KIF27: variants seen among roughly 807,000 people sequenced by gnomAD.
KIF27 encodes kinesin family member 27.
Under a neutral mutation model 141.8 loss-of-function variants are expected in KIF27, and 84 were observed. That is an observed-to-expected ratio of 0.59 (90% CI 0.50 to 0.71). The LOEUF (loss-of-function observed/expected upper bound fraction) is 0.71, where lower values mean the gene tolerates loss of function less well. Ranked by LOEUF, KIF27 falls within the 30% of genes least tolerant of loss-of-function variation. The pLI is 0.00. For missense variants in KIF27, 1,306 were observed against 1,628.4 expected (o/e 0.80, Z 3.41); for synonymous variants, 471 against 569.5 (o/e 0.83, Z 2.46).
At chr9:83,857,597 T>A (rs1949386357) in intron 14 of KIF27, among the ~76,000 whole-genome samples, 1 of 152,238 alleles carries the variant, frequency 6.6e-6, no homozygotes, top group African/African-American at 2.4e-5. Context: ...GGATCCCACA[T>A]GAAATAGAAA....
In KIF27 at chr9:83,859,580, A is replaced by G. The variant is rs191749263; in HGVS notation, c.2935-209T>C. On this transcript the variant is annotated intron_variant, in intron 13 of 17. Coordinates refer to ENST00000297814, the MANE Select transcript of KIF27 (RefSeq NM_017576.4). ...GAGTTTTGCTCTTGTTCCCCAGGCT[A>G]GAGTGCAATGGTGCAACCTCAGCTC... The G allele has an allele frequency of 5.7e-4, 297 of 522,310 alleles. 2 individuals are homozygous for G. The highest frequency in any genetic ancestry group is 1.1e-3 in the South Asian group (51 of 44,482). The allele number at this position is 522,310 out of a possible 1,614,324, so 32.4% of individuals were successfully genotyped here. A position where few individuals can be genotyped will look rare whatever the true frequency, so the allele number is the denominator to read the frequency against.
chr9:83,906,344 A>G (rs1288604676), intron 3 of KIF27, among the ~76,000 whole-genome samples: 2 of 152,190 alleles, frequency 1.3e-5, no homozygotes, highest in Non-Finnish European at 2.9e-5. Flanking sequence ...TTGAATGACT[A>G]AAGCCATCTT....
chr9:83,841,717 T>G (rs1470840620), intron 17 of KIF27, among the ~76,000 whole-genome samples: 4 of 152,206 alleles, frequency 2.6e-5, no homozygotes, highest in Non-Finnish European at 5.9e-5. Flanking sequence ...AAGTATATTT[T>G]GTCATGTTAT....
chr9:83,875,367 T>C (rs886107846), intron 11 of KIF27, among the ~76,000 whole-genome samples: 2 of 152,190 alleles, frequency 1.3e-5, no homozygotes, highest in African/African-American at 4.8e-5. Context: ...GAACTACATT[T>C]TTCCCCCATG....
chr9:83,905,211 C>T (rs1380749126), intron 3 of KIF27, among the ~76,000 whole-genome samples: 3 of 151,966 alleles, frequency 2.0e-5, no homozygotes, highest in Non-Finnish European at 4.4e-5. Flanking sequence ...CTCCGCCTCC[C>T]GGGTTCACAC....
intron 15 of KIF27, among the ~76,000 whole-genome samples, chr9:83,852,256 C>G: frequency 6.6e-6 from 1 of 151,348 alleles, no homozygotes. Flanking sequence ...CCATCCCTGT[C>G]TAACATGGTA....
chr9:83,840,316 T>C (rs931610095), intron 17 of KIF27, among the ~76,000 whole-genome samples: 1 of 152,112 alleles, frequency 6.6e-6, no homozygotes, highest in Non-Finnish European at 1.5e-5. Flanking sequence ...TAAATGTTTC[T>C]AGGTAGAATA....
rs952704005 is a variant in KIF27 at position 83,881,888 on chromosome 9, A to G, written c.2446-1394T>C. Among the ~76,000 whole-genome samples, 3 of 152,198 alleles carry G rather than the reference A, an allele frequency of 2.0e-5. 1 individual carries two copies. The highest frequency in any genetic ancestry group is 4.4e-5 in the Non-Finnish European group (3 of 68,036). ...TGCCATTGTCTTTTGCACTTATTTC[A>G]TAGTTGCTCAAAAGTGCATCTGTCA... On this transcript the variant is annotated intron_variant, in intron 10 of 17. Coordinates refer to ENST00000297814, the MANE Select transcript of KIF27 (RefSeq NM_017576.4).
rs1946649444 is a variant in KIF27 at position 83,842,163 on chromosome 9, A to C, written c.3721+74T>G. On this transcript the variant is annotated intron_variant, in intron 17 of 17. Coordinates refer to ENST00000297814, the MANE Select transcript of KIF27 (RefSeq NM_017576.4). Reference sequence around the variant, plus strand: ...ATAACCCAGTCAATTGGTAAAGGCTACACTACAAAGCTGGCATGACTTCAC... The same window carrying C: ...ATAACCCAGTCAATTGGTAAAGGCTCCACTACAAAGCTGGCATGACTTCAC... 3.5e-5 allele frequency: 49 copies of C among 1,399,262 alleles called. No homozygotes were observed. In the South Asian group the frequency reaches 6.0e-4, roughly 17 times the overall value. 86.7% of individuals were successfully genotyped at this position (1,399,262 alleles called of 1,614,324 possible).
rs1462187681 is a variant in KIF27, at chr9:83,886,915, T to C, written c.2239+126A>G. On this transcript the variant is annotated intron_variant, in intron 9 of 17. Transcript: ENST00000297814. The stretch of plus-strand genomic sequence containing the variant: ...CCACATATTGGCCTAAAAACTCACC[T>C]TGTTACACCAATCCAAGCTAAGTGG... 5 of 1,074,862 alleles carry C rather than the reference T, an allele frequency of 4.7e-6. No individual in the cohort carries two copies. In the Admixed American group the frequency reaches 1.6e-4, roughly 34 times the overall value. The allele number at this position is 1,074,862 out of a possible 1,614,324, so 66.6% of individuals were successfully genotyped here. A position where few individuals can be genotyped will look rare whatever the true frequency, so the allele number is the denominator to read the frequency against.
At chr9:83,888,339 G>C (rs565171368) in intron 8 of KIF27, 150 bp downstream of exon 8, 2 of 421,264 alleles carry the variant, frequency 4.7e-6, no homozygotes, top group African/African-American at 4.1e-5. Context: ...GTAAAACAGA[G>C]AACATAAAAG....
intron 17 of KIF27, among the ~76,000 whole-genome samples, chr9:83,840,670 C>A (rs938830406): frequency 6.6e-6 from 1 of 151,990 alleles, no homozygotes; most frequent in African/African-American, 2.4e-5. Context: ...TTACTTGATA[C>A]TTGTTTACTT....
intron 13 of KIF27, among the ~76,000 whole-genome samples, chr9:83,862,376 T>G (rs1360641096): frequency 6.6e-6 from 1 of 152,206 alleles, no homozygotes; most frequent in Non-Finnish European, 1.5e-5. Context: ...AGGGATCCAG[T>G]TTCAGCTTTC....
intron 12 of KIF27, among the ~76,000 whole-genome samples, chr9:83,869,651 C>T (rs183554055): frequency 5.9e-5 from 9 of 152,110 alleles, no homozygotes; most frequent in Admixed American, 3.9e-4. Flanking sequence ...GGTGTGAACC[C>T]GGGAGGCGGA....
intron 12 of KIF27, among the ~76,000 whole-genome samples, chr9:83,870,245 C>A (rs1462682087): frequency 2.0e-5 from 3 of 152,058 alleles, no homozygotes; most frequent in Non-Finnish European, 4.4e-5. Flanking sequence ...CGGCTCACTG[C>A]AGCCTCCACC....
At chr9:83,870,299 TG>T (rs1006214597) in intron 12 of KIF27, among the ~76,000 whole-genome samples, 14 of 152,252 alleles carry the variant, frequency 9.2e-5, no homozygotes, top group African/African-American at 3.4e-4. Flanking sequence ...CCCAAGTAGC[TG>T]GGATTACAAG....
intron 16 of KIF27, among the ~76,000 whole-genome samples, chr9:83,847,109 G>A (rs1286614682): frequency 6.6e-6 from 1 of 152,144 alleles, no homozygotes; most frequent in Non-Finnish European, 1.5e-5. Context: ...GGAATGAAGG[G>A]TTGGGTCACT....
At chr9:83,890,414 C>T (rs1952562660) in intron 6 of KIF27, among the ~76,000 whole-genome samples, 1 of 152,208 alleles carries the variant, frequency 6.6e-6, no homozygotes, top group South Asian at 2.1e-4. Flanking sequence ...CTATTTTATC[C>T]CATAACTGGC....
At chr9:83,873,815 C>A (rs1266509369) in intron 11 of KIF27, among the ~76,000 whole-genome samples, 1 of 152,062 alleles carries the variant, frequency 6.6e-6, no homozygotes, top group Admixed American at 6.6e-5. Flanking sequence ...TTTGGGAGGC[C>A]AAGGCGGGTA....
Sources: allele counts gnomAD v4.1 joint callset (sites outside exome capture counted in the v4.1 genomes callset), GRCh38; gene constraint gnomAD v4.1.1; transcripts MANE v1.5; gene names NCBI Gene and HGNC (gene_info 2026-07-23, HGNC 2026-07-21).